The following NAALADL2 variants were observed in gnomAD, a reference collection of about 807,000 sequenced individuals.
NAALADL2 encodes N-acetylated alpha-linked acidic dipeptidase like 2.
In NAALADL2, 76 loss-of-function variants were observed where a neutral mutation model predicts 87.2. That is an observed-to-expected ratio of 0.87 (90% confidence interval 0.72 to 1.05). NAALADL2 has a LOEUF of 1.05. NAALADL2 is among the 50% of genes least tolerant of loss of function. The pLI is 0.00. For missense variants in NAALADL2, 1,089 were observed against 945.8 expected, an observed-to-expected ratio of 1.15 and a Z score of -1.99; for synonymous variants, 354 against 331.0, an observed-to-expected ratio of 1.07 and a Z score of -0.75.
At chr3:175,076,502 A>G (rs144659481) in intron 1 of NAALADL2, among the ~76,000 whole-genome samples, 19 of 152,124 alleles carry the variant, frequency 1.2e-4, no homozygotes, top group African/African-American at 4.6e-4. Flanking sequence ...CACAGAAGGC[A>G]TCAAAGAAAA....
intron 2 of NAALADL2, among the ~76,000 whole-genome samples, chr3:175,199,848 ATATATATATATATATATTTTTTTTT>A (rs1580892245): frequency 5.9e-5 from 1 of 16,934 alleles, no homozygotes; most frequent in East Asian, 1.8e-3. Flanking sequence ...ATATATATAT[ATATATATATATATATATTTTTTTTT>A]TTTTTTTTTT....
chr3:175,129,227 G>A (rs1029228080), intron 2 of NAALADL2, among the ~76,000 whole-genome samples: 25 of 152,164 alleles, frequency 1.6e-4, no homozygotes, highest in African/African-American at 4.6e-4. Context: ...TCACAGGCAT[G>A]AGCCACCACA....
Position 174,560,311 on chromosome 3 carries a change from A to T in NAALADL2, c.-115+9674A>T, listed in dbSNP as rs1399516002. On this transcript the variant is annotated intron_variant, in intron 2 of 3. Coordinates refer to the NAALADL2 transcript ENST00000434257. ...TGGACTGCATAGCCTTAATGACAAT[A>T]GGTACAAAAGATGACAGGGCAAGTA... Among the ~76,000 whole-genome samples, 5 of 152,362 alleles carry T rather than the reference A, an allele frequency of 3.3e-5. 2 individuals carry two copies. In the Middle Eastern group the frequency reaches 0.017, roughly 518 times the overall value.
intron 2 of NAALADL2, among the ~76,000 whole-genome samples, chr3:174,732,131 TG>T (rs2108985530): frequency 1.3e-5 from 2 of 152,292 alleles, no homozygotes; most frequent in African/African-American, 4.8e-5. Context: ...ACAAACCATC[TG>T]TATCTTATAT....
intron 11 of NAALADL2, among the ~76,000 whole-genome samples, chr3:175,734,418 G>A (rs777000885): frequency 4.0e-5 from 6 of 151,890 alleles, no homozygotes; most frequent in Admixed American, 6.5e-5. Context: ...TTAGCTGGGC[G>A]TGGTGGTGGG....
chr3:174,981,128 T>C (rs1229646196), intron 1 of NAALADL2, among the ~76,000 whole-genome samples: 1 of 152,128 alleles, frequency 6.6e-6, no homozygotes, highest in Admixed American at 6.6e-5. Context: ...GTTAAGTCGG[T>C]TTTCCCCCTA....
intron 1 of NAALADL2, among the ~76,000 whole-genome samples, chr3:174,890,732 T>C (rs1233473584): frequency 1.3e-5 from 2 of 152,126 alleles, no homozygotes; most frequent in African/African-American, 4.8e-5. Flanking sequence ...TATCAGATAG[T>C]GTTTGTTTAT....
intron 1 of NAALADL2, among the ~76,000 whole-genome samples, chr3:175,080,812 C>T (rs1717654918): frequency 6.6e-6 from 1 of 152,144 alleles, no homozygotes; most frequent in South Asian, 2.1e-4. Flanking sequence ...TAACTCCTGT[C>T]ATTAGAATTT....
intron 2 of NAALADL2, among the ~76,000 whole-genome samples, chr3:175,111,670 G>A (rs939780729): frequency 2.6e-5 from 4 of 151,634 alleles, no homozygotes; most frequent in African/African-American, 9.7e-5. Context: ...GTCTACACAT[G>A]CCCTTAGCAC....
chr3:175,458,183 G>T (rs1331300495), intron 6 of NAALADL2, among the ~76,000 whole-genome samples: 2 of 151,978 alleles, frequency 1.3e-5, no homozygotes, highest in Admixed American at 1.3e-4. Flanking sequence ...CCTTTGAGTG[G>T]AGAATAGTGT....
chr3:175,336,460 C>T (rs1761978625), intron 5 of NAALADL2, among the ~76,000 whole-genome samples: 1 of 152,100 alleles, frequency 6.6e-6, no homozygotes. Flanking sequence ...CAGTTTTATG[C>T]CCCAACATAG....
At position 174,508,114 on chromosome 3, in the gene NAALADL2, G is replaced by GTTTTTTTTTTTTT. The variant is rs1311325384; in HGVS notation, c.-183-42450_-183-42438dup. The stretch of plus-strand genomic sequence containing the variant: ...AATTTTAGCTATTGGATATCTAGTG[G>GTTTTTTTTTTTTT]TTTTTTTTTTTTTTTTTGAGACGAA... On this transcript the variant is annotated intron_variant, in intron 1 of 3. Coordinates refer to the NAALADL2 transcript ENST00000434257. Among the ~76,000 whole-genome samples, 780 of 103,666 alleles carry GTTTTTTTTTTTTT rather than the reference G, an allele frequency of 7.5e-3. 26 individuals are homozygous for GTTTTTTTTTTTTT. The highest frequency in any genetic ancestry group is 0.013 in the Middle Eastern group (2 of 158). 68.0% of individuals were successfully genotyped at this position (103,666 alleles called of 152,430 possible). A position where few individuals can be genotyped will look rare whatever the true frequency, so the allele number is the denominator to read the frequency against.
intron 1 of NAALADL2, among the ~76,000 whole-genome samples, chr3:174,982,673 A>C (rs1745272142): frequency 6.6e-6 from 1 of 152,252 alleles, no homozygotes; most frequent in Non-Finnish European, 1.5e-5. Flanking sequence ...AAGCCTTGCA[A>C]TAAATGCTAG....
Position 175,395,213 on chromosome 3 carries a change from G to A in NAALADL2, c.1091-52016G>A, listed in dbSNP as rs935525211. On this transcript the variant is annotated intron_variant, in intron 5 of 13. Coordinates refer to ENST00000454872, the MANE Select transcript of NAALADL2 (RefSeq NM_207015.3). Reference sequence around the variant, plus strand: ...ATTCACATCCCAGGCAGGATGGTGGGGGACAGTGCAAGATTTCATTACACT... The same window carrying A: ...ATTCACATCCCAGGCAGGATGGTGGAGGACAGTGCAAGATTTCATTACACT... Among the ~76,000 whole-genome samples, 5 of 151,934 alleles carry A rather than the reference G, an allele frequency of 3.3e-5. No individual in the cohort carries two copies. In the East Asian group the frequency reaches 9.7e-4, roughly 29 times the overall value.
intron 11 of NAALADL2, among the ~76,000 whole-genome samples, chr3:175,633,613 T>C (rs1728108646): frequency 6.6e-6 from 1 of 151,918 alleles, no homozygotes. Context: ...ATGGTACATC[T>C]AATGAAACAA....
chr3:175,642,810 T>A (rs1042042282), intron 11 of NAALADL2, among the ~76,000 whole-genome samples: 5 of 152,162 alleles, frequency 3.3e-5, no homozygotes, highest in Non-Finnish European at 7.4e-5. Context: ...GCAAATCTTT[T>A]TAGGAACTGT....
At chr3:175,724,738 A>G (rs546299804) in intron 11 of NAALADL2, among the ~76,000 whole-genome samples, 9 of 152,090 alleles carry the variant, frequency 5.9e-5, no homozygotes, top group Non-Finnish European at 1.2e-4. Flanking sequence ...CATTGTCTCT[A>G]TAAGATAGAA....
At chr3:174,900,948 A>G (rs1732233632) in intron 1 of NAALADL2, among the ~76,000 whole-genome samples, 1 of 152,164 alleles carries the variant, frequency 6.6e-6, no homozygotes, top group Admixed American at 6.6e-5. Flanking sequence ...CATTGAAAAT[A>G]TAATTTTGCA....
intron 7 of NAALADL2, among the ~76,000 whole-genome samples, chr3:175,466,376 A>G (rs1724022224): frequency 6.6e-6 from 1 of 152,218 alleles, no homozygotes; most frequent in African/African-American, 2.4e-5. Flanking sequence ...CTAGTAGTGT[A>G]TCTAATACAT....
Sources: allele counts gnomAD v4.1 joint callset (sites outside exome capture counted in the v4.1 genomes callset), GRCh38; gene constraint gnomAD v4.1.1; transcripts MANE v1.5; gene names NCBI Gene and HGNC (gene_info 2026-07-23, HGNC 2026-07-21).